Variants in SCML1 observed in about 807,000 individuals in gnomAD.
SCML1 encodes the protein Scm polycomb group protein like 1.
For missense variants in SCML1, 137 were observed against 258.1 expected (o/e 0.53, Z 3.22); for synonymous variants, 104 against 103.6 (o/e 1.00, Z -0.02).
At chrX:17,741,690 C>T (rs769665034) in intron 1 of SCML1, among the ~76,000 whole-genome samples, 8 of 111,239 alleles carry the variant, frequency 7.2e-5, no homozygotes, top group African/African-American at 1.3e-4. Flanking sequence ...TTTAGGCTTT[C>T]GGCAGCCTGA....
At chrX:17,746,646 A>C (rs2066644470) in intron 4 of SCML1, among the ~76,000 whole-genome samples, 1 of 112,243 alleles carries the variant, frequency 8.9e-6, no homozygotes, top group Non-Finnish European at 1.9e-5. Flanking sequence ...TCTTGAATGG[A>C]ATGAGCTAAC....
chrX:17,740,525 G>A (rs1188070176), intron 1 of SCML1, among the ~76,000 whole-genome samples: 1 of 111,019 alleles, frequency 9.0e-6, no homozygotes, highest in Non-Finnish European at 1.9e-5. Flanking sequence ...AAGGATTTAA[G>A]TAAGTTGTTC....
At chrX:17,743,689 A>G (rs1463425608) in intron 1 of SCML1, among the ~76,000 whole-genome samples, 1 of 111,670 alleles carries the variant, frequency 9.0e-6, no homozygotes. Context: ...GACCCAATCC[A>G]GAATAGACTC....
At chrX:17,740,836 A>G (rs1302531012) in intron 1 of SCML1, among the ~76,000 whole-genome samples, 1 of 112,534 alleles carries the variant, frequency 8.9e-6, no homozygotes, top group Admixed American at 9.3e-5. Context: ...GACGGAGGGC[A>G]TAACAGGAGC....
intron 1 of SCML1, among the ~76,000 whole-genome samples, chrX:17,741,510 G>C (rs867655530): frequency 2.5e-4 from 28 of 111,931 alleles, no homozygotes; most frequent in African/African-American, 8.8e-4. Flanking sequence ...TGTGTTATTG[G>C]TAGCAAAGGT....
chrX:17,743,679 G>A (rs779054329), intron 1 of SCML1, among the ~76,000 whole-genome samples: 3 of 111,621 alleles, frequency 2.7e-5, no homozygotes, highest in South Asian at 3.8e-4. Context: ...AGTCGGGGGG[G>A]ACCCAATCCA....
chrX:17,745,565 A>G, intron 3 of SCML1, 26 bp downstream of exon 3: 1 of 864,280 alleles, frequency 1.2e-6, no homozygotes. Context: ...ATTGCCAAAT[A>G]TATTAACATT....
chrX:17,744,705 A>G (rs958692025), intron 2 of SCML1: 2 of 112,621 alleles, frequency 1.8e-5, no homozygotes. Flanking sequence ...ATGTTTTTCA[A>G]AAATCTTTGG....
intron 4 of SCML1, among the ~76,000 whole-genome samples, chrX:17,747,729 A>G (rs1313042100): frequency 5.4e-5 from 6 of 112,012 alleles, no homozygotes; most frequent in Non-Finnish European, 1.1e-4. Flanking sequence ...TGAAGAGACC[A>G]CTGAGCACTG....
chrX:17,738,919 G>A (rs997212029), intron 1 of SCML1, among the ~76,000 whole-genome samples: 2 of 112,250 alleles, frequency 1.8e-5, no homozygotes, highest in Admixed American at 9.4e-5. Flanking sequence ...CTGAGAAAAT[G>A]TTGTAAAGCT....
chrX:17,753,281 C>G lies in SCML1; in HGVS notation c.879C>G (p.Leu293=). The change falls in exon 8 of 8, where the codon CTC becomes CTG. Residue 293 remains leucine, a synonymous_variant. Coordinates refer to ENST00000380041, the MANE Select transcript of SCML1 (RefSeq NM_001037540.3). ...RSHEIDGKAL[L]LLTSDVLLKH... ...AGGAAATTGACGGGAAGGCTCTGCT[C>G]CTACTCACGAGTGACGTGTTGCTGA... 8.6e-7 allele frequency: 1 copy of G among 1,168,942 alleles called. No individual in the cohort carries two copies. Among genetic ancestry groups the G allele is most frequent in the Non-Finnish European group, 1.1e-6 (1 of 872,872 alleles).
intron 4 of SCML1, 33 bp downstream of exon 4, chrX:17,746,131 C>T (rs1381758190): frequency 2.2e-6 from 2 of 923,146 alleles, no homozygotes; most frequent in Non-Finnish European, 3.0e-6. Flanking sequence ...ATGTAGTTTT[C>T]TAAAATGTTA....
At chrX:17,751,155 A>G (rs1257480243) in intron 6 of SCML1, among the ~76,000 whole-genome samples, 1 of 112,628 alleles carries the variant, frequency 8.9e-6, no homozygotes, top group Non-Finnish European at 1.9e-5. Flanking sequence ...TCAGCAGAAA[A>G]TAATCTTGTT....
chrX:17,749,924 C>G lies in SCML1; in HGVS notation c.334C>G (p.Arg112Gly). 2 of 1,208,867 alleles carry G rather than the reference C, an allele frequency of 1.7e-6. No individual in the cohort carries two copies. Among genetic ancestry groups the G allele is most frequent in the African/African-American group, 3.5e-5 (2 of 57,589 alleles). ...ATATGGATATAAAAAGCATTCTTACCGGCTTGTTAAAAAGCTTAAACTCCA... is the reference window on the plus strand; with the variant it reads ...ATATGGATATAAAAAGCATTCTTACGGGCTTGTTAAAAAGCTTAAACTCCA... ...KRYGYKKHSY[R>G]LVKKLKLQKM... is the part of the protein sequence containing the mutation. The change falls in exon 6 of 8, where the codon CGG (arginine) becomes GGG (glycine). Residue 112 changes from arginine to glycine, a missense_variant. By Grantham distance (125) the Arg-to-Gly change is moderately radical. Coordinates refer to ENST00000380041, the MANE Select transcript of SCML1 (RefSeq NM_001037540.3).
At position 17,749,082 on chromosome X, in the gene SCML1, C is replaced by T. The variant is rs778004577; in HGVS notation, c.199-318C>T. 1.7e-4 allele frequency among the ~76,000 whole-genome samples: 19 copies of T among 112,345 alleles called. No individual in the cohort carries two copies. The Middle Eastern group carries it at 0.023, about 136-fold the overall frequency. On this transcript the variant is annotated intron_variant, in intron 4 of 7. Transcript: ENST00000380041. ...GATTTCTTTCCTAAAATAGCACCTT[C>T]CTTGATGTGCAGTGTCTTCATCATC...
At chrX:17,743,198 G>T (rs2066612897) in intron 1 of SCML1, among the ~76,000 whole-genome samples, 1 of 111,898 alleles carries the variant, frequency 8.9e-6, no homozygotes, top group Admixed American at 9.5e-5. Context: ...ACTCGAGTTA[G>T]TTCTCCCATC....
In SCML1 at chrX:17,742,173, G is replaced by A. The variant is rs139136196; in HGVS notation, c.-116-1898G>A. Among the ~76,000 whole-genome samples the A allele has an allele frequency of 2.3e-3, 261 of 111,331 alleles. 1 individual carries two copies. The highest frequency in any genetic ancestry group is 8.0e-3 in the African/African-American group (244 of 30,592). Reference sequence around the variant, plus strand: ...CAACCCTTTGAGCACAAAAATTGTCGTGCGATGTAAACTTTTTAGAGTATA... The same window carrying A: ...CAACCCTTTGAGCACAAAAATTGTCATGCGATGTAAACTTTTTAGAGTATA... On this transcript the variant is annotated intron_variant, in intron 1 of 7. Coordinates refer to ENST00000380041, the MANE Select transcript of SCML1 (RefSeq NM_001037540.3).
chrX:17,749,570 C>A, intron 5 of SCML1, 66 bp downstream of exon 5: 1 of 693,591 alleles, frequency 1.4e-6, no homozygotes, highest in Non-Finnish European at 2.2e-6. Flanking sequence ...TGCCAATGAG[C>A]TAGAAGTGAG....
At chrX:17,741,679 T>C (rs748109399) in intron 1 of SCML1, among the ~76,000 whole-genome samples, 278 of 111,761 alleles carry the variant, frequency 2.5e-3, no homozygotes, top group Middle Eastern at 0.023. Flanking sequence ...TTTTGTTTTG[T>C]TTTAGGCTTT....
Sources: allele counts gnomAD v4.1 joint callset (sites outside exome capture counted in the v4.1 genomes callset), GRCh38; gene constraint gnomAD v4.1.1; transcripts MANE v1.5; gene names NCBI Gene and HGNC (gene_info 2026-07-23, HGNC 2026-07-21).